The following PGR variants were observed in gnomAD, a reference collection of about 807,000 sequenced individuals.
PGR encodes the protein progesterone receptor.
In PGR, 25 loss-of-function variants were observed where a neutral mutation model predicts 76.1. That is an observed-to-expected ratio of 0.33 (90% confidence interval 0.24 to 0.46). The LOEUF (loss-of-function observed/expected upper bound fraction) is 0.46. PGR is among the 20% of genes least tolerant of loss of function. The pLI, the probability that PGR is intolerant of heterozygous loss-of-function variation, is 1.00. For synonymous variants in PGR, 579 were observed against 535.0 expected, an observed-to-expected ratio of 1.08 and a Z score of -1.14; for missense variants, 1,172 against 1,225.3, an observed-to-expected ratio of 0.96 and a Z score of 0.65.
chr11:101,051,639 T>C (rs145664012), intron 4 of PGR, 71 bp from the exon 5 acceptor site: 1 of 1,173,184 alleles, frequency 8.5e-7, no homozygotes, highest in African/African-American at 1.5e-5. Flanking sequence ...TGAAAATACA[T>C]ATAAATCTGA....
At chr11:101,081,526 C>T (rs1861308286) in intron 3 of PGR, among the ~76,000 whole-genome samples, 2 of 151,916 alleles carry the variant, frequency 1.3e-5, no homozygotes, top group Non-Finnish European at 2.9e-5. Context: ...GTGCAGATCA[C>T]ATAAAAAGGG....
intron 1 of PGR, chr11:101,126,904 G>A (rs1489629647): frequency 6.5e-6 from 1 of 152,682 alleles, no homozygotes; most frequent in Non-Finnish European, 1.5e-5. Flanking sequence ...AGCCACTGAA[G>A]TGTTCAAATC....
At chr11:101,117,274 G>A (rs960884339) in intron 2 of PGR, among the ~76,000 whole-genome samples, 12 of 152,092 alleles carry the variant, frequency 7.9e-5, no homozygotes, top group African/African-American at 2.7e-4. Context: ...TTAGTGAGTT[G>A]AGCCTTCTTC....
intron 3 of PGR, among the ~76,000 whole-genome samples, chr11:101,085,571 A>G (rs1368483557): frequency 6.7e-6 from 1 of 149,274 alleles, no homozygotes; most frequent in Non-Finnish European, 1.5e-5. Context: ...CTATCCCTAA[A>G]GCTAGCAGAA....
chr11:101,050,695 G>T (rs1038086830), intron 5 of PGR, among the ~76,000 whole-genome samples: 1 of 152,062 alleles, frequency 6.6e-6, no homozygotes, highest in Admixed American at 6.6e-5. Flanking sequence ...CAAGAATAAT[G>T]AAAACTAGAT....
intron 2 of PGR, among the ~76,000 whole-genome samples, chr11:101,119,298 GTGCCTA>G (rs771932300): frequency 2.0e-5 from 3 of 152,122 alleles, no homozygotes; most frequent in Non-Finnish European, 4.4e-5. Flanking sequence ...AATGATTAGT[GTGCCTA>G]TTTTTGAGTG....
At chr11:101,094,557 A>C (rs1296613046) in intron 2 of PGR, among the ~76,000 whole-genome samples, 1 of 152,118 alleles carries the variant, frequency 6.6e-6, no homozygotes, top group Non-Finnish European at 1.5e-5. Context: ...TTATCTTCTG[A>C]TGGTCCCAAA....
intron 6 of PGR, among the ~76,000 whole-genome samples, chr11:101,045,198 A>C (rs1317356552): frequency 2.6e-5 from 4 of 152,216 alleles, no homozygotes; most frequent in African/African-American, 4.8e-5. Context: ...GATCTTGTAT[A>C]TAAAGGAGAC....
At chr11:101,122,320 T>C (rs1862705747) in intron 2 of PGR, among the ~76,000 whole-genome samples, 1 of 152,164 alleles carries the variant, frequency 6.6e-6, no homozygotes, top group Non-Finnish European at 1.5e-5. Context: ...GAGTAAAGCA[T>C]CCAAAAAATA....
intron 2 of PGR, among the ~76,000 whole-genome samples, chr11:101,104,463 G>C (rs1349143795): frequency 6.6e-6 from 1 of 152,188 alleles, no homozygotes; most frequent in Non-Finnish European, 1.5e-5. Flanking sequence ...AGCTAAATTA[G>C]ATGAAATGTT....
intron 3 of PGR, among the ~76,000 whole-genome samples, chr11:101,065,137 A>G (rs1180950854): frequency 6.6e-6 from 1 of 152,228 alleles, no homozygotes; most frequent in Non-Finnish European, 1.5e-5. Flanking sequence ...CCTTCAGAGA[A>G]CATAGCTTCC....
chr11:101,065,365 A>G (rs1461632321), intron 3 of PGR, among the ~76,000 whole-genome samples: 1 of 152,214 alleles, frequency 6.6e-6, no homozygotes, highest in African/African-American at 2.4e-5. Flanking sequence ...TTTAAAAACC[A>G]CTTTGTTGTT....
At chr11:101,091,361 AT>A (rs1565353776) in intron 3 of PGR, among the ~76,000 whole-genome samples, 1 of 152,174 alleles carries the variant, frequency 6.6e-6, no homozygotes, top group Non-Finnish European at 1.5e-5. Context: ...TGCAGAGTCA[AT>A]TTTTTGAGCT....
chr11:101,069,636 A>G (rs1405139123), intron 3 of PGR, among the ~76,000 whole-genome samples: 1 of 152,318 alleles, frequency 6.6e-6, no homozygotes, highest in Non-Finnish European at 1.5e-5. Flanking sequence ...GAGACTGGAT[A>G]AAGAAAATGT....
In PGR at chr11:101,039,266, G is replaced by T; in HGVS notation, c.2652C>A (p.Val884=). The T allele has an allele frequency of 6.2e-7, 1 of 1,608,798 alleles. No homozygotes were observed. Among genetic ancestry groups the T allele is most frequent in the South Asian group, 1.1e-5 (1 of 90,924 alleles). ...TCAAGCAGTACAGATGAAGTTGTTT[G>T]ACAAGCTGTTGGTTTAACAAATGAG... The part of the protein sequence containing the change: ...TKLLDNLHDL[V]KQLHLYCLNT... The change falls in exon 8 of 8, where the codon GTC becomes GTA. Residue 884 remains valine, a synonymous_variant. Transcript: ENST00000325455.
At chr11:101,053,629 T>TCCC (rs1860181485) in intron 4 of PGR, among the ~76,000 whole-genome samples, 1 of 107,430 alleles carries the variant, frequency 9.3e-6, no homozygotes, top group Non-Finnish European at 2.1e-5. Context: ...CCTCCCCTTC[T>TCCC]TCCTCCTTTC....
intron 2 of PGR, among the ~76,000 whole-genome samples, chr11:101,104,982 A>G (rs1192947209): frequency 1.3e-5 from 2 of 152,176 alleles, no homozygotes; most frequent in Non-Finnish European, 1.5e-5. Flanking sequence ...GGAAGCTGGA[A>G]GCTGGAATGG....
intron 3 of PGR, among the ~76,000 whole-genome samples, chr11:101,070,954 C>T (rs938809652): frequency 7.2e-5 from 11 of 152,216 alleles, no homozygotes; most frequent in African/African-American, 1.7e-4. Context: ...GATCTCCCAG[C>T]GCAGTGCTCA....
At chr11:101,115,601 A>T (rs1337367051) in intron 2 of PGR, among the ~76,000 whole-genome samples, 1 of 152,046 alleles carries the variant, frequency 6.6e-6, no homozygotes, top group Non-Finnish European at 1.5e-5. Context: ...GTGAAACCCC[A>T]TCTCTACTAA....
Sources: allele counts gnomAD v4.1 joint callset (sites outside exome capture counted in the v4.1 genomes callset), GRCh38; gene constraint gnomAD v4.1.1; transcripts MANE v1.5; gene names NCBI Gene and HGNC (gene_info 2026-07-23, HGNC 2026-07-21).